Variants in CEBPZ observed in about 807,000 individuals in gnomAD.
The protein encoded by CEBPZ is CCAAT enhancer binding protein zeta.
Under a neutral mutation model 104.5 loss-of-function variants are expected in CEBPZ, and 78 were observed. That is an observed-to-expected ratio of 0.75 (90% CI 0.62 to 0.90). The LOEUF is 0.90. Among genes scored for constraint, CEBPZ ranks in the 40% least tolerant of loss-of-function variants. The pLI is 0.00. For missense variants in CEBPZ, 1,439 were observed against 1,233.5 expected, an observed-to-expected ratio of 1.17 and a Z score of -2.50; for synonymous variants, 470 against 427.0, an observed-to-expected ratio of 1.10 and a Z score of -1.24.
chr2:37,227,603 A>T lies in CEBPZ; in HGVS notation c.1590T>A (p.Leu530=). Residue 530 remains leucine, a synonymous_variant, in exon 2 of 16, where the codon CTT becomes CTA. Transcript: ENST00000234170. The stretch of plus-strand genomic sequence containing the variant: ...TCTGCTGAGAATTCATTACTTGGAA[A>T]AGCAACATTAAAGCCTGGACACTGG... ...FNTSVQALML[L]FQVMNSQQTI... is the part of the protein sequence containing the mutation. 6.2e-7 allele frequency: 1 copy of T among 1,614,008 alleles called. No individual in the cohort carries two copies.
chr2:37,228,916 A>G lies in CEBPZ; in HGVS notation c.277T>C (p.Leu93=). 6.2e-7 allele frequency: 1 copy of G among 1,610,968 alleles called. No individual in the cohort carries two copies. ...AAGGAAGCTTTTGTATACTTCGCCA[A>G]ATTAAGATTTTGAATAAATGCTTCC... ...ELEAFIQNLN[L]AKYTKASLVE... is the part of the protein sequence containing the mutation. Residue 93 remains leucine, a synonymous_variant, in exon 2 of 16, where the codon TTG becomes CTG. Coordinates refer to ENST00000234170, the MANE Select transcript of CEBPZ (RefSeq NM_005760.3).
intron 8 of CEBPZ, 105 bp from the exon 9 acceptor site, chr2:37,215,057 A>C: frequency 3.9e-6 from 3 of 770,696 alleles, no homozygotes; most frequent in Non-Finnish European, 6.5e-6. Flanking sequence ...TAAAAATCTC[A>C]GAATTGTGTG....
Position 37,201,892 on chromosome 2 carries a change from G to C in CEBPZ, c.3037C>G (p.Leu1013Val). Residue 1013 changes from leucine to valine, a missense_variant, in exon 16 of 16, where the codon CTT becomes GTT. Physicochemically the swap from Leu to Val is conservative, Grantham distance 32. Coordinates refer to ENST00000234170, the MANE Select transcript of CEBPZ (RefSeq NM_005760.3). Reference sequence around the variant, plus strand: ...TCATCACGTTCAGCCTCCCATCTAAGCTGTTTGAGACCTTTGAGAGAAGAA... The same window carrying C: ...TCATCACGTTCAGCCTCCCATCTAACCTGTTTGAGACCTTTGAGAGAAGAA... ...ANKDNASLKQ[L>V]RWEAERDDWL... The C allele has an allele frequency of 6.2e-7, 1 of 1,613,280 alleles. No homozygotes were observed. Among genetic ancestry groups the C allele is most frequent in the Non-Finnish European group, 8.5e-7 (1 of 1,179,802 alleles).
intron 2 of CEBPZ, 83 bp from the exon 3 acceptor site, chr2:37,223,484 C>T (rs1376033504): frequency 3.0e-5 from 36 of 1,182,784 alleles, no homozygotes; most frequent in Non-Finnish European, 4.3e-5. Flanking sequence ...TAGCTACTAA[C>T]CTCATCTTAG....
chr2:37,208,292 T>G (rs544186286), intron 13 of CEBPZ, among the ~76,000 whole-genome samples: 1 of 152,240 alleles, frequency 6.6e-6, no homozygotes, highest in South Asian at 2.1e-4. Flanking sequence ...CCCTAAATCA[T>G]TCAATGAAGC....
At position 37,209,513 on chromosome 2, in the gene CEBPZ, T is replaced by G. The variant is rs572019990; in HGVS notation, c.2884+1486A>C. 75 of 152,264 alleles carry G rather than the reference T, an allele frequency of 4.9e-4. 1 individual carries two copies. Among genetic ancestry groups the G allele is most frequent in the African/African-American group, 1.8e-3 (74 of 41,562 alleles). The allele number at this position is 152,264 out of a possible 1,614,324, so 9.4% of individuals were successfully genotyped here. A position where few individuals can be genotyped will look rare whatever the true frequency, so the allele number is the denominator to read the frequency against. On this transcript the variant is annotated intron_variant, in intron 13 of 15. Transcript: ENST00000234170. ...CAAATACTTACAACCATCTGATCTTTGACAAAGTAAACAAAAACAAAGTGG... is the reference window on the plus strand; with the variant it reads ...CAAATACTTACAACCATCTGATCTTGGACAAAGTAAACAAAAACAAAGTGG...
At chr2:37,222,695 A>G (rs1309056825) in intron 3 of CEBPZ, 132 bp from the exon 4 acceptor site, 1 of 577,218 alleles carries the variant, frequency 1.7e-6, no homozygotes, top group Non-Finnish European at 2.9e-6. Context: ...ATAAAGTAAA[A>G]TGATGGCTAT....
intron 13 of CEBPZ, 59 bp downstream of exon 13, chr2:37,210,940 G>A: frequency 8.8e-7 from 1 of 1,132,074 alleles, no homozygotes; most frequent in Non-Finnish European, 1.3e-6. Context: ...TTCCCAAAAT[G>A]ATAATGACAC....
chr2:37,222,592 C>T, intron 3 of CEBPZ, 29 bp from the exon 4 acceptor site: 2 of 1,485,816 alleles, frequency 1.3e-6, no homozygotes, highest in South Asian at 1.3e-5. Flanking sequence ...CATAAATCTA[C>T]ATAAATCAAC....
In CEBPZ at chr2:37,201,658, T is replaced by C. The variant is rs1198932098; in HGVS notation, c.*106A>G. On this transcript the variant is annotated 3_prime_UTR_variant, in exon 16 of 16. Coordinates refer to ENST00000234170, the MANE Select transcript of CEBPZ (RefSeq NM_005760.3). ...TATTTATAGTTTATTACAAATCCAC[T>C]GAGAAGTCTGGAATGTATGGAATCA... 1.3e-6 allele frequency: 1 copy of C among 761,676 alleles called. No individual in the cohort carries two copies. Among genetic ancestry groups the C allele is most frequent in the African/African-American group, 1.7e-5 (1 of 57,644 alleles). 47.2% of individuals were successfully genotyped at this position (761,676 alleles called of 1,614,324 possible).
intron 5 of CEBPZ, among the ~76,000 whole-genome samples, chr2:37,219,162 C>T (rs748330907): frequency 2.0e-5 from 3 of 152,198 alleles, no homozygotes; most frequent in Non-Finnish European, 4.4e-5. Flanking sequence ...CTCCCAAATA[C>T]CTAAGCCTGA....
chr2:37,218,111 C>T (rs958419133), intron 5 of CEBPZ, among the ~76,000 whole-genome samples: 1 of 151,142 alleles, frequency 6.6e-6, no homozygotes, highest in African/African-American at 2.4e-5. Flanking sequence ...ACTAAAAATA[C>T]AAAAAATTAG....
At chr2:37,220,706 C>G (rs888244795) in intron 4 of CEBPZ, among the ~76,000 whole-genome samples, 3 of 152,136 alleles carry the variant, frequency 2.0e-5, no homozygotes, top group African/African-American at 7.2e-5. Flanking sequence ...AAGCTTTCTT[C>G]AAGGCCAGGT....
Position 37,222,527 on chromosome 2 carries a change from C to A in CEBPZ, c.1918G>T (p.Asp640Tyr). Reference sequence around the variant, plus strand: ...GTGAATTTTTCCATGTCTTCATCATCATTTGCATCAATAAAATTTTCTTCA... The same window carrying A: ...GTGAATTTTTCCATGTCTTCATCATAATTTGCATCAATAAAATTTTCTTCA... Reference protein sequence around the residue: ...DDEENFIDANDDEDMEKFTDA... With the variant: ...DDEENFIDANYDEDMEKFTDA... Residue 640 changes from aspartate to tyrosine, a missense_variant, in exon 4 of 16, where the codon GAT becomes TAT. By Grantham distance (160) the Asp-to-Tyr change is radical (BLOSUM62 -3). Transcript: ENST00000234170. 1 of 1,591,498 alleles carries A rather than the reference C, an allele frequency of 6.3e-7. No homozygotes were observed. The highest frequency in any genetic ancestry group is 8.5e-7 in the Non-Finnish European group (1 of 1,174,212).
intron 2 of CEBPZ, among the ~76,000 whole-genome samples, chr2:37,223,633 T>C (rs1443624575): frequency 6.6e-6 from 1 of 152,068 alleles, no homozygotes; most frequent in Non-Finnish European, 1.5e-5. Flanking sequence ...CATTTTTGAG[T>C]GTGTGGTTTT....
intron 4 of CEBPZ, among the ~76,000 whole-genome samples, chr2:37,222,008 G>C (rs1055401884): frequency 5.9e-5 from 9 of 152,230 alleles, no homozygotes; most frequent in Admixed American, 5.2e-4. Context: ...TGTGGGCCAG[G>C]TACAGTGGCT....
chr2:37,231,245 G>A (rs1444294028), intron 1 of CEBPZ, 167 bp downstream of exon 1: 1 of 855,558 alleles, frequency 1.2e-6, no homozygotes, highest in Non-Finnish European at 2.0e-6. Flanking sequence ...TTTGTAAACA[G>A]CAGTGGAAAC....
chr2:37,201,770 CCTTT>C lies in CEBPZ; in HGVS notation c.3155_3158del (p.Gln1052ArgfsTer7). On this transcript the variant is annotated frameshift_variant, in exon 16 of 16. Coordinates refer to ENST00000234170, the MANE Select transcript of CEBPZ (RefSeq NM_005760.3). LOFTEE classifies it high-confidence loss of function. ...TATAATTTACATTAATAACTCATTT[CCTTT>C]GTTTTTTAGTTTTTTGAGTGGTTTT... 2.1e-6 allele frequency: 3 copies of C among 1,406,192 alleles called. No individual in the cohort carries two copies. Among genetic ancestry groups the C allele is most frequent in the South Asian group, 1.2e-5 (1 of 85,776 alleles). The allele number at this position is 1,406,192 out of a possible 1,614,324, so 87.1% of individuals were successfully genotyped here. A position where few individuals can be genotyped will look rare whatever the true frequency, so the allele number is the denominator to read the frequency against.
intron 5 of CEBPZ, among the ~76,000 whole-genome samples, chr2:37,217,954 G>C (rs569578744): frequency 6.7e-6 from 1 of 148,458 alleles, no homozygotes; most frequent in Admixed American, 6.8e-5. Context: ...CTACATACTA[G>C]TAAGTAGCAT....
Sources: gnomAD v4.1 joint callset for allele counts (sites outside exome capture counted in the v4.1 genomes callset) on GRCh38, gnomAD v4.1.1 for gene constraint, MANE v1.5 for transcripts, NCBI Gene and HGNC (gene_info 2026-07-23, HGNC 2026-07-21) for gene names.